The following E2F3 variants were observed in gnomAD, a reference collection of about 807,000 sequenced individuals.
The protein encoded by E2F3 is transcription factor E2F3.
Under a neutral mutation model 44.4 loss-of-function variants are expected in E2F3, and 11 were observed. The observed-to-expected ratio is 0.25, with a 90% CI of 0.16 to 0.41. The LOEUF (loss-of-function observed/expected upper bound fraction) is 0.41. Ranked by LOEUF, E2F3 falls within the 10% of genes least tolerant of loss-of-function variation. The pLI is 1.00. For synonymous variants in E2F3, 249 were observed against 253.0 expected, an observed-to-expected ratio of 0.98 and a Z score of 0.15; for missense variants, 487 against 583.6, an observed-to-expected ratio of 0.83 and a Z score of 1.70.
intron 6 of E2F3, among the ~76,000 whole-genome samples, chr6:20,489,775 G>C (rs1442649192): frequency 1.3e-5 from 2 of 152,056 alleles, no homozygotes; most frequent in Non-Finnish European, 2.9e-5. Flanking sequence ...AGGAGTTCGA[G>C]ACCAGACTGG....
chr6:20,402,092 G>A lies in E2F3; in HGVS notation c.-141G>A. 7.3e-7 allele frequency: 1 copy of A among 1,374,344 alleles called. No homozygotes were observed. The highest frequency in any genetic ancestry group is 9.4e-7 in the Non-Finnish European group (1 of 1,059,290). 85.1% of individuals were successfully genotyped at this position (1,374,344 alleles called of 1,614,324 possible). On this transcript the variant is annotated 5_prime_UTR_variant, in exon 1 of 7. Coordinates refer to ENST00000346618, the MANE Select transcript of E2F3 (RefSeq NM_001949.5). This position sits in a 1 kb window ranked among gnomAD's most constrained non-coding sequence, Gnocchi z 5.6. Reference sequence around the variant, plus strand: ...CCTGTGCGGTGCGGAAAAATAAAAAGAAAAGAGAGAGAGGGGGCTCGGAAG... The same window carrying A: ...CCTGTGCGGTGCGGAAAAATAAAAAAAAAAGAGAGAGAGGGGGCTCGGAAG...
At chr6:20,445,174 G>T in intron 1 of E2F3, 1 of 975,378 alleles carries the variant, frequency 1.0e-6, no homozygotes, top group Non-Finnish European at 1.2e-6. Context: ...CTTAAAAATA[G>T]AATACTACCA....
intron 1 of E2F3, among the ~76,000 whole-genome samples, chr6:20,406,180 A>G (rs913387216): frequency 1.3e-5 from 2 of 152,082 alleles, no homozygotes; most frequent in Non-Finnish European, 2.9e-5. Context: ...CTTTTTTTCA[A>G]TGGGGGTAAA....
rs1762534786 is a variant in E2F3, at chr6:20,490,803, T to C, written c.*373T>C. On this transcript the variant is annotated 3_prime_UTR_variant, in exon 7 of 7. Transcript: ENST00000346618. This position sits in a 1 kb window ranked among gnomAD's most constrained non-coding sequence, Gnocchi z 4.3. Reference sequence around the variant, plus strand: ...GGCTGTAGAATGGGGTCTGGCCACCTGGCCTGCTGGGAAACAGCAATCTTC... The same window carrying C: ...GGCTGTAGAATGGGGTCTGGCCACCCGGCCTGCTGGGAAACAGCAATCTTC... 4.3e-6 allele frequency: 1 copy of C among 234,426 alleles called. No homozygotes were observed. The highest frequency in any genetic ancestry group is 5.6e-5 in the Admixed American group (1 of 17,714). The allele number at this position is 234,426 out of a possible 1,614,324, so 14.5% of individuals were successfully genotyped here. A position where few individuals can be genotyped will look rare whatever the true frequency, so the allele number is the denominator to read the frequency against.
chr6:20,450,863 G>C (rs1178486860), intron 1 of E2F3, among the ~76,000 whole-genome samples: 2 of 152,112 alleles, frequency 1.3e-5, no homozygotes, highest in East Asian at 3.9e-4. Flanking sequence ...AGTTATCCCA[G>C]CACCATTTAT....
At chr6:20,438,252 A>G (rs530579592) in intron 1 of E2F3, among the ~76,000 whole-genome samples, 2 of 152,244 alleles carry the variant, frequency 1.3e-5, no homozygotes, top group African/African-American at 4.8e-5. Flanking sequence ...CTATATAAAC[A>G]TAAGGGTGTT....
At position 20,454,543 on chromosome 6, in the gene E2F3, G is replaced by C. The variant is rs112515469; in HGVS notation, c.394-25303G>C. Among the ~76,000 whole-genome samples, 1,078 of 152,314 alleles carry C rather than the reference G, an allele frequency of 7.1e-3. 18 individuals carry two copies. Among genetic ancestry groups the C allele is most frequent in the African/African-American group, 0.024 (1,001 of 41,566 alleles). ...CAAAGATACCTCACTAGGACCGCTA[G>C]TGCTTTGGACTAGAACACCTTACAT... On this transcript the variant is annotated intron_variant, in intron 1 of 6. Coordinates refer to ENST00000346618, the MANE Select transcript of E2F3 (RefSeq NM_001949.5).
chr6:20,466,226 C>T (rs1311416131), intron 1 of E2F3, among the ~76,000 whole-genome samples: 1 of 152,210 alleles, frequency 6.6e-6, no homozygotes, highest in East Asian at 1.9e-4. Flanking sequence ...GATTCTCCTA[C>T]CTCAGCCTCC....
At chr6:20,462,033 T>C (rs1190663217) in intron 1 of E2F3, among the ~76,000 whole-genome samples, 1 of 152,232 alleles carries the variant, frequency 6.6e-6, no homozygotes, top group Admixed American at 6.5e-5. Flanking sequence ...CATTTAGTAG[T>C]CTCTTCTAGG....
chr6:20,440,452 A>G (rs1242554464), intron 1 of E2F3, among the ~76,000 whole-genome samples: 1 of 152,208 alleles, frequency 6.6e-6, no homozygotes, highest in Admixed American at 6.5e-5. Flanking sequence ...AGAAAGAGAG[A>G]GGAAAACTTG....
intron 1 of E2F3, among the ~76,000 whole-genome samples, chr6:20,428,059 A>G (rs1035369189): frequency 6.6e-6 from 1 of 152,146 alleles, no homozygotes; most frequent in Non-Finnish European, 1.5e-5. Flanking sequence ...TCTAAGTTAG[A>G]GGCGAGGAAA....
intron 1 of E2F3, among the ~76,000 whole-genome samples, chr6:20,441,237 T>C (rs994442481): frequency 6.6e-6 from 1 of 152,242 alleles, no homozygotes; most frequent in African/African-American, 2.4e-5. Context: ...AGATACCTCA[T>C]ATAAGTGGAA....
intron 1 of E2F3, among the ~76,000 whole-genome samples, chr6:20,448,464 T>C (rs1281444610): frequency 1.3e-5 from 2 of 150,612 alleles, no homozygotes; most frequent in Non-Finnish European, 3.0e-5. Context: ...TGTATATGTA[T>C]ACACACACAC....
intron 4 of E2F3, among the ~76,000 whole-genome samples, chr6:20,485,251 C>T (rs986751325): frequency 2.0e-5 from 3 of 152,048 alleles, no homozygotes; most frequent in Non-Finnish European, 2.9e-5. Context: ...GCTTGGCTGT[C>T]AGGACATTTA....
At chr6:20,486,428 A>G (rs559393244) in intron 4 of E2F3, among the ~76,000 whole-genome samples, 3 of 152,034 alleles carry the variant, frequency 2.0e-5, no homozygotes, top group Non-Finnish European at 2.9e-5. Flanking sequence ...GCCCGCCACC[A>G]CGCCTGGCTA....
chr6:20,436,260 C>T lies in E2F3; in HGVS notation c.393+33635C>T, dbSNP rs113792299. Among the ~76,000 whole-genome samples, 1,024 of 152,212 alleles carry T rather than the reference C, an allele frequency of 6.7e-3. 12 individuals are homozygous for T. The highest frequency in any genetic ancestry group is 0.023 in the African/African-American group (942 of 41,520). On this transcript the variant is annotated intron_variant, in intron 1 of 6. Transcript: ENST00000346618. ...CCTCCCAAAGTGCTGGGACTATAGG[C>T]GTGAGCCACCATGCCTGGTCTAAAG...
chr6:20,409,409 T>TTA (rs1298348417), intron 1 of E2F3, among the ~76,000 whole-genome samples: 3 of 152,212 alleles, frequency 2.0e-5, no homozygotes, highest in Admixed American at 2.0e-4. Context: ...TCTTCTGTGG[T>TTA]TATATCAATT....
intron 3 of E2F3, among the ~76,000 whole-genome samples, chr6:20,481,938 T>G (rs1762237148): frequency 6.6e-6 from 1 of 152,188 alleles, no homozygotes; most frequent in South Asian, 2.1e-4. Flanking sequence ...CTCCATTTCG[T>G]CTGTAGAGCA....
Position 20,482,788 on chromosome 6 carries a change from G to C in E2F3, c.752G>C (p.Gly251Ala). 1 of 1,611,800 alleles carries C rather than the reference G, an allele frequency of 6.2e-7. No individual in the cohort carries two copies. The highest frequency in any genetic ancestry group is 8.5e-7 in the Non-Finnish European group (1 of 1,179,086). ...WMGCSLSEDG[G>A]MLAQCQGLSK... is the part of the protein sequence containing the mutation. ...GGCTGCAGTCTGTCTGAGGATGGGG[G>C]CATGCTGGCCCAGTGTCAAGGCCTG... Residue 251 changes from glycine to alanine, a missense_variant, in exon 4 of 7, where the codon GGC (glycine) becomes GCC (alanine). Gly to Ala is a moderately conservative substitution (Grantham distance 60). This residue lies in a region of E2F3 where 220 missense variants were observed against 261.7 expected (regional missense o/e 0.84). Transcript: ENST00000346618.
Sources: gnomAD v4.1 joint callset for allele counts (sites outside exome capture counted in the v4.1 genomes callset) on GRCh38, gnomAD v4.1.1 for gene constraint, gnomAD v4.1.1 regional missense constraint, Gnocchi (gnomAD v3.1) non-coding constraint, MANE v1.5 for transcripts, NCBI Gene and HGNC (gene_info 2026-07-23, HGNC 2026-07-21) for gene names.